The following TARDBP variants were observed in gnomAD, a reference collection of about 807,000 sequenced individuals.
TARDBP encodes TAR DNA binding protein.
A neutral mutation model predicts 38.3 loss-of-function variants in TARDBP; 4 were observed. That is an observed-to-expected ratio of 0.10 (90% CI 0.05 to 0.24). The LOEUF (loss-of-function observed/expected upper bound fraction) is 0.24. Among genes scored for constraint, TARDBP ranks in the 10% least tolerant of loss-of-function variants. TARDBP has a pLI of 1.00. For synonymous variants in TARDBP, 184 were observed against 183.8 expected, an observed-to-expected ratio of 1.00 and a Z score of -0.01; for missense variants, 202 against 521.9, an observed-to-expected ratio of 0.39 and a Z score of 5.97.
downstream of TARDBP, among the ~76,000 whole-genome samples, chr1:11,027,888 T>A (rs1460476787): frequency 6.6e-6 from 1 of 152,188 alleles, no homozygotes; most frequent in Non-Finnish European, 1.5e-5. Context: ...AAACTGACTT[T>A]TAGAAGTTAT....
downstream of TARDBP, chr1:11,027,090 G>C (rs771651004): frequency 1.5e-5 from 24 of 1,602,246 alleles, no homozygotes; most frequent in East Asian, 5.4e-4. Flanking sequence ...TTCTAAGCCA[G>C]CACAAAGCAT....
Position 11,020,311 on chromosome 1 carries a change from CT to C in TARDBP, c.544-113del, listed in dbSNP as rs571883400. 234 of 1,255,878 alleles carry C rather than the reference CT, an allele frequency of 1.9e-4. No homozygotes were observed. The African/African-American group carries it at 3.0e-3, about 16-fold the overall frequency. The allele number at this position is 1,255,878 out of a possible 1,614,324, so 77.8% of individuals were successfully genotyped here. ...ATGGAAAAAATTAAGGGTACGTCTA[CT>C]TTTTAATGGTTCACTGCTATCCAAG... On this transcript the variant is annotated intron_variant, in intron 4 of 5. Coordinates refer to ENST00000240185, the MANE Select transcript of TARDBP (RefSeq NM_007375.4).
chr1:11,028,940 C>G (rs370377724), downstream of TARDBP, among the ~76,000 whole-genome samples: 1 of 150,252 alleles, frequency 6.7e-6, no homozygotes, highest in East Asian at 2.0e-4. Context: ...GTCTTGATCT[C>G]CTGACCTCAC....
chr1:11,023,321 TCTTTGACG>T lies in TARDBP; in HGVS notation c.*668_*675del. On this transcript the variant is annotated 3_prime_UTR_variant, in exon 6 of 6. Coordinates refer to ENST00000240185, the MANE Select transcript of TARDBP (RefSeq NM_007375.4). Reference sequence around the variant, plus strand: ...TCGTCATCACGCATCACAGGCCGCGTCTTTGACGGTGGGTGTCCCATTTTTATCCGCTA... The same window carrying T: ...TCGTCATCACGCATCACAGGCCGCGTGTGGGTGTCCCATTTTTATCCGCTA... The T allele has an allele frequency of 6.8e-7, 1 of 1,481,264 alleles. No individual in the cohort carries two copies. Among genetic ancestry groups the T allele is most frequent in the Non-Finnish European group, 9.2e-7 (1 of 1,085,626 alleles). The allele number at this position is 1,481,264 out of a possible 1,614,324, so 91.8% of individuals were successfully genotyped here.
chr1:11,013,704 T>C lies in TARDBP; in HGVS notation c.-12-12T>C, dbSNP rs1643461528. On this transcript the variant is annotated splice_polypyrimidine_tract_variant and intron_variant, in intron 1 of 5. Transcript: ENST00000240185. The stretch of plus-strand genomic sequence containing the variant: ...CATGAATGTTGTTCATTCATATCTC[T>C]TTTCTCTTTAGGAAAAGTAAAAGAT... The C allele has an allele frequency of 6.3e-7, 1 of 1,577,200 alleles. No individual in the cohort carries two copies. The highest frequency in any genetic ancestry group is 8.7e-7 in the Non-Finnish European group (1 of 1,155,442).
chr1:11,027,580 A>G (rs766371958), downstream of TARDBP: 9 of 1,614,174 alleles, frequency 5.6e-6, no homozygotes, highest in Middle Eastern at 1.6e-4. Context: ...TGCCAAGGAA[A>G]ATCACCAGGT....
rs1158398903 is a variant in TARDBP at position 11,016,665 on chromosome 1, G to A, written c.239-179G>A. Among the ~76,000 whole-genome samples the A allele has an allele frequency of 2.0e-5, 3 of 152,182 alleles. 1 individual carries two copies. Among genetic ancestry groups the A allele is most frequent in the African/African-American group, 7.2e-5 (3 of 41,448 alleles). The stretch of plus-strand genomic sequence containing the variant: ...GAATTTGCACCAGAAAAGCACCTCA[G>A]ACACTAAACTTAAGCCTTTATTCTG... On this transcript the variant is annotated intron_variant, in intron 2 of 5. Coordinates refer to ENST00000240185, the MANE Select transcript of TARDBP (RefSeq NM_007375.4).
intron 1 of TARDBP, 21 bp from the exon 2 acceptor site, chr1:11,013,695 T>G (rs1643460805): frequency 1.3e-6 from 2 of 1,551,048 alleles, no homozygotes; most frequent in South Asian, 2.3e-5. Flanking sequence ...TGTTGTTCAT[T>G]CATATCTCTT....
At chr1:11,012,874 C>T (rs1409924341) in intron 1 of TARDBP, 131 bp downstream of exon 1, 1 of 152,360 alleles carries the variant, frequency 6.6e-6, no homozygotes, top group African/African-American at 2.4e-5. Context: ...CCTAGTCCTG[C>T]CCGAGCGGGC....
chr1:11,027,613 T>C (rs746297294), downstream of TARDBP: 2 of 1,613,884 alleles, frequency 1.2e-6, no homozygotes, highest in Non-Finnish European at 1.7e-6. Flanking sequence ...CCTCCATATA[T>C]ACGCCCTCCT....
At chr1:11,026,470 T>A (rs1643733108), downstream of TARDBP, 1 of 154,970 alleles carries the variant, frequency 6.5e-6, no homozygotes, top group African/African-American at 2.4e-5. Context: ...AAAAAAGGAT[T>A]CAAGGTTATT....
downstream of TARDBP, chr1:11,027,324 T>C (rs1364429928): frequency 6.2e-7 from 1 of 1,614,052 alleles, no homozygotes; most frequent in Non-Finnish European, 8.5e-7. Context: ...GATTACAACT[T>C]TGTTATTCAA....
Position 11,023,331 on chromosome 1 carries a change from TGG to T in TARDBP, c.*679_*680del. 7.0e-7 allele frequency: 1 copy of T among 1,418,660 alleles called. No homozygotes were observed. The highest frequency in any genetic ancestry group is 9.7e-7 in the Non-Finnish European group (1 of 1,029,788). The allele number at this position is 1,418,660 out of a possible 1,614,324, so 87.9% of individuals were successfully genotyped here. A position where few individuals can be genotyped will look rare whatever the true frequency, so the allele number is the denominator to read the frequency against. On this transcript the variant is annotated 3_prime_UTR_variant, in exon 6 of 6. Coordinates refer to ENST00000240185, the MANE Select transcript of TARDBP (RefSeq NM_007375.4). ...GCATCACAGGCCGCGTCTTTGACGG[TGG>T]GTGTCCCATTTTTATCCGCTACTCT...
At chr1:11,021,207 T>C (rs1643631191) in intron 5 of TARDBP, among the ~76,000 whole-genome samples, 1 of 152,020 alleles carries the variant, frequency 6.6e-6, no homozygotes, top group Non-Finnish European at 1.5e-5. Context: ...GGCGCGATCT[T>C]GGCTCGCTGC....
chr1:11,023,602 A>G lies in TARDBP; in HGVS notation c.*948A>G, dbSNP rs1326220095. ...GTGAGAGAGTGTGCAGAGAGCAATGATAGCAAATAATGTACGAATGTTTTT... is the reference window on the plus strand; with the variant it reads ...GTGAGAGAGTGTGCAGAGAGCAATGGTAGCAAATAATGTACGAATGTTTTT... On this transcript the variant is annotated 3_prime_UTR_variant, in exon 6 of 6. Coordinates refer to ENST00000240185, the MANE Select transcript of TARDBP (RefSeq NM_007375.4). The G allele has an allele frequency of 9.3e-6, 3 of 320,872 alleles. No individual in the cohort carries two copies. Among genetic ancestry groups the G allele is most frequent in the Non-Finnish European group, 1.1e-5 (2 of 175,886 alleles). 19.9% of individuals were successfully genotyped at this position (320,872 alleles called of 1,614,324 possible). A position where few individuals can be genotyped will look rare whatever the true frequency, so the allele number is the denominator to read the frequency against.
chr1:11,021,828 G>A (rs1399219375), intron 5 of TARDBP, among the ~76,000 whole-genome samples: 1 of 151,980 alleles, frequency 6.6e-6, no homozygotes, highest in East Asian at 1.9e-4. Context: ...AGGCTGCCAG[G>A]CTAGTCTTGA....
rs1274812920 is a variant in TARDBP at position 11,024,762 on chromosome 1, C to A, written c.*2108C>A. 6.6e-6 allele frequency: 1 copy of A among 152,658 alleles called. No individual in the cohort carries two copies. Among genetic ancestry groups the A allele is most frequent in the Non-Finnish European group, 1.5e-5 (1 of 68,072 alleles). 9.5% of individuals were successfully genotyped at this position (152,658 alleles called of 1,614,324 possible). A position where few individuals can be genotyped will look rare whatever the true frequency, so the allele number is the denominator to read the frequency against. On this transcript the variant is annotated 3_prime_UTR_variant, in exon 6 of 6. Coordinates refer to ENST00000240185, the MANE Select transcript of TARDBP (RefSeq NM_007375.4). ...ATCGCTTACAAAACTCACACTCTCA[C>A]AATGCATTGTTAAGTATGTAAAAGC...
chr1:11,016,753 T>C, intron 2 of TARDBP, 91 bp from the exon 3 acceptor site: 1 of 1,359,314 alleles, frequency 7.4e-7, no homozygotes, highest in Non-Finnish European at 1.0e-6. Context: ...TAGAGTCTTC[T>C]TTTTGCTTCT....
At chr1:11,021,585 A>G (rs2100854832) in intron 5 of TARDBP, among the ~76,000 whole-genome samples, 1 of 151,782 alleles carries the variant, frequency 6.6e-6, no homozygotes, top group South Asian at 2.1e-4. Flanking sequence ...CTCCCGGCCC[A>G]TTTTTTAAAT....
Sources: allele counts gnomAD v4.1 joint callset (sites outside exome capture counted in the v4.1 genomes callset), GRCh38; gene constraint gnomAD v4.1.1; transcripts MANE v1.5; gene names NCBI Gene and HGNC (gene_info 2026-07-23, HGNC 2026-07-21).